The following CTNNA3 variants were observed in gnomAD, a reference collection of about 807,000 sequenced individuals.
CTNNA3 encodes the protein catenin alpha-3.
CTNNA3 carries 76 observed loss-of-function variants against 95.7 expected under a neutral mutation model. The observed-to-expected ratio is 0.79, with a 90% CI of 0.66 to 0.96. CTNNA3 has a LOEUF of 0.96. CTNNA3 is among the 40% of genes least tolerant of loss of function. The pLI is 0.00. For missense variants in CTNNA3, 1,191 were observed against 1,089.8 expected, an observed-to-expected ratio of 1.09 and a Z score of -1.31; for synonymous variants, 431 against 374.4, an observed-to-expected ratio of 1.15 and a Z score of -1.74.
chr10:67,663,550 A>T (rs527789800), intron 1 of CTNNA3, among the ~76,000 whole-genome samples: 1 of 152,190 alleles, frequency 6.6e-6, no homozygotes, highest in Admixed American at 6.5e-5. Flanking sequence ...GATCTGGGGC[A>T]GCCGCAGGAG....
intron 1 of CTNNA3, among the ~76,000 whole-genome samples, chr10:67,713,024 AATCT>A (rs1212694786): frequency 1.3e-5 from 2 of 152,214 alleles, no homozygotes; most frequent in African/African-American, 2.4e-5. Context: ...ACATTTTTGC[AATCT>A]ATCCATCTGA....
chr10:66,533,100 T>C (rs1401196001), intron 10 of CTNNA3, among the ~76,000 whole-genome samples: 1 of 152,158 alleles, frequency 6.6e-6, no homozygotes, highest in Non-Finnish European at 1.5e-5. Flanking sequence ...TGCCTCCTCT[T>C]TTATCATAGG....
At chr10:66,455,587 A>G (rs551039655) in intron 11 of CTNNA3, among the ~76,000 whole-genome samples, 1 of 152,324 alleles carries the variant, frequency 6.6e-6, no homozygotes, top group African/African-American at 2.4e-5. Flanking sequence ...CCCAGAAGTT[A>G]CTGGCCGTTT....
chr10:66,472,981 T>A (rs1839189616), intron 11 of CTNNA3, among the ~76,000 whole-genome samples: 1 of 152,002 alleles, frequency 6.6e-6, no homozygotes, highest in African/African-American at 2.4e-5. Context: ...GATCTGACAC[T>A]TGCCTCCCAC....
At chr10:66,492,581 A>G (rs571882165) in intron 11 of CTNNA3, among the ~76,000 whole-genome samples, 2 of 152,278 alleles carry the variant, frequency 1.3e-5, no homozygotes, top group East Asian at 3.9e-4. Context: ...CAATGATAGC[A>G]ATCACTTATA....
intron 9 of CTNNA3, among the ~76,000 whole-genome samples, chr10:66,716,181 A>G (rs1427180050): frequency 6.6e-6 from 1 of 152,128 alleles, no homozygotes; most frequent in Non-Finnish European, 1.5e-5. Flanking sequence ...ATAATCCAAA[A>G]TATACTTATC....
At chr10:66,448,692 G>C (rs2093441862) in intron 11 of CTNNA3, among the ~76,000 whole-genome samples, 1 of 151,916 alleles carries the variant, frequency 6.6e-6, no homozygotes, top group Non-Finnish European at 1.5e-5. Flanking sequence ...TGGGGGAAGG[G>C]GGGTGGGATA....
chr10:67,674,440 A>G (rs1288963042), intron 1 of CTNNA3, among the ~76,000 whole-genome samples: 2 of 152,082 alleles, frequency 1.3e-5, no homozygotes, highest in Non-Finnish European at 2.9e-5. Flanking sequence ...AGTCTGTGGT[A>G]TTTTACTCTG....
intron 3 of CTNNA3, among the ~76,000 whole-genome samples, chr10:67,547,564 G>T (rs539250985): frequency 1.4e-4 from 22 of 152,190 alleles, no homozygotes; most frequent in Middle Eastern, 6.8e-3. Context: ...GGTCAAATTT[G>T]GCCCTATTGA....
At chr10:67,611,470 C>T (rs775187447) in intron 2 of CTNNA3, among the ~76,000 whole-genome samples, 2 of 151,820 alleles carry the variant, frequency 1.3e-5, no homozygotes, top group Admixed American at 1.3e-4. Flanking sequence ...CCTGCCACCA[C>T]GCCTGGCTAA....
chr10:67,705,710 A>T (rs1295586324), intron 1 of CTNNA3, among the ~76,000 whole-genome samples: 1 of 149,858 alleles, frequency 6.7e-6, no homozygotes, highest in Non-Finnish European at 1.5e-5. Context: ...GCACACCAGC[A>T]TGGCACATGT....
At chr10:66,745,021 G>A (rs1488678624) in intron 9 of CTNNA3, among the ~76,000 whole-genome samples, 1 of 152,130 alleles carries the variant, frequency 6.6e-6, no homozygotes, top group African/African-American at 2.4e-5. Context: ...CACAATTCAA[G>A]ACCGTGGGTT....
chr10:66,186,453 T>C (rs1229218149), intron 13 of CTNNA3, among the ~76,000 whole-genome samples: 2 of 152,128 alleles, frequency 1.3e-5, no homozygotes, highest in Non-Finnish European at 2.9e-5. Flanking sequence ...AAAATGTGTA[T>C]GCTTAAAGAA....
intron 7 of CTNNA3, among the ~76,000 whole-genome samples, chr10:67,039,947 A>C (rs964776523): frequency 1.3e-5 from 2 of 152,170 alleles, no homozygotes; most frequent in African/African-American, 4.8e-5. Flanking sequence ...TCTGTCATAA[A>C]GCATATTAGC....
chr10:67,302,813 G>A (rs1435284818), intron 5 of CTNNA3, among the ~76,000 whole-genome samples: 1 of 152,196 alleles, frequency 6.6e-6, no homozygotes, highest in Non-Finnish European at 1.5e-5. Context: ...GGTAAAGTGG[G>A]AAAGAGTACT....
In CTNNA3 at chr10:67,685,282, G is replaced by A. The variant is rs1305305944; in HGVS notation, c.-6+10718C>T. 2.0e-5 allele frequency among the ~76,000 whole-genome samples: 3 copies of A among 152,170 alleles called. 1 individual carries two copies. The South Asian group carries it at 6.2e-4, about 32-fold the overall frequency. Reference sequence around the variant, plus strand: ...TTCAGTCCATATTAACTTAGAATTGGTATAGATGGCTCCTTCCTGATTCTG... The same window carrying A: ...TTCAGTCCATATTAACTTAGAATTGATATAGATGGCTCCTTCCTGATTCTG... On this transcript the variant is annotated intron_variant, in intron 1 of 17. Transcript: ENST00000433211.
At chr10:66,731,556 G>T (rs1848960381) in intron 9 of CTNNA3, among the ~76,000 whole-genome samples, 1 of 152,070 alleles carries the variant, frequency 6.6e-6, no homozygotes, top group Non-Finnish European at 1.5e-5. Context: ...AATAGCTAAG[G>T]ACCTACAACC....
intron 1 of CTNNA3, among the ~76,000 whole-genome samples, chr10:67,671,354 T>A (rs1564821680): frequency 6.6e-6 from 1 of 152,122 alleles, no homozygotes. Flanking sequence ...TAACTTCTTT[T>A]TTCTTAATTT....
intron 7 of CTNNA3, among the ~76,000 whole-genome samples, chr10:66,777,798 T>TACAC (rs1840371298): frequency 2.4e-5 from 1 of 41,542 alleles, no homozygotes; most frequent in African/African-American, 6.6e-5. Flanking sequence ...CACACACACA[T>TACAC]GCACACACAC....
Sources: allele counts gnomAD v4.1 joint callset (sites outside exome capture counted in the v4.1 genomes callset), GRCh38; gene constraint gnomAD v4.1.1; transcripts MANE v1.5; gene names NCBI Gene and HGNC (gene_info 2026-07-23, HGNC 2026-07-21).